EPC1: variants seen among roughly 807,000 people sequenced by gnomAD.
EPC1 encodes enhancer of polycomb homolog 1.
A neutral mutation model predicts 98.4 loss-of-function variants in EPC1; 12 were observed. The observed-to-expected ratio is 0.12, with a 90% confidence interval of 0.08 to 0.20. The LOEUF (loss-of-function observed/expected upper bound fraction) is 0.20, where lower values mean the gene tolerates loss of function less well. EPC1 is among the 10% of genes least tolerant of loss of function. The pLI, the probability that EPC1 is intolerant of heterozygous loss-of-function variation, is 1.00. For missense variants in EPC1, 729 were observed against 990.5 expected (o/e 0.74, Z 3.54); for synonymous variants, 357 against 363.9 (o/e 0.98, Z 0.21).
chr10:32,271,164 T>C (rs1835824119), intron 13 of EPC1, among the ~76,000 whole-genome samples: 1 of 152,146 alleles, frequency 6.6e-6, no homozygotes, highest in Non-Finnish European at 1.5e-5. Context: ...GGTGATTTTG[T>C]ATTTTTAGTA....
chr10:32,337,906 T>C (rs1043145609), intron 1 of EPC1, among the ~76,000 whole-genome samples: 1 of 152,216 alleles, frequency 6.6e-6, no homozygotes, highest in African/African-American at 2.4e-5. Context: ...TCAGTGGACA[T>C]AGTTAACCAA....
At chr10:32,286,074 CCTT>C (rs1836664976) in intron 9 of EPC1, 1 of 152,160 alleles carries the variant, frequency 6.6e-6, no homozygotes. Flanking sequence ...TGAAAAAGCA[CCTT>C]GATACTATTA....
chr10:32,272,240 T>C (rs1210052918), intron 11 of EPC1, 73 bp from the exon 12 acceptor site: 2 of 1,258,754 alleles, frequency 1.6e-6, no homozygotes, highest in Non-Finnish European at 2.2e-6. Context: ...TACACATGCA[T>C]ACCAAAATCA....
At chr10:32,335,076 T>A (rs1592610341) in intron 1 of EPC1, among the ~76,000 whole-genome samples, 1 of 152,224 alleles carries the variant, frequency 6.6e-6, no homozygotes, top group African/African-American at 2.4e-5. Context: ...CATCACTTTC[T>A]ACTTAGTGGA....
At chr10:32,295,285 T>C (rs1172970898) in intron 2 of EPC1, among the ~76,000 whole-genome samples, 1 of 152,166 alleles carries the variant, frequency 6.6e-6, no homozygotes, top group Non-Finnish European at 1.5e-5. Flanking sequence ...CAGTCAGACA[T>C]TAAAGTCTGT....
chr10:32,322,934 T>G (rs1837019465), intron 1 of EPC1, among the ~76,000 whole-genome samples: 1 of 151,644 alleles, frequency 6.6e-6, no homozygotes, highest in Admixed American at 6.6e-5. Flanking sequence ...AAGAGACCAT[T>G]TTTTTTAAAA....
intron 13 of EPC1, 131 bp downstream of exon 13, chr10:32,271,423 T>A (rs1835838078): frequency 3.8e-6 from 4 of 1,048,096 alleles, no homozygotes; most frequent in Non-Finnish European, 5.5e-6. Context: ...AAGTGATCAA[T>A]TCTCAACTAT....
At chr10:32,353,914 C>T (rs535990246) in intron 1 of EPC1, among the ~76,000 whole-genome samples, 1 of 152,262 alleles carries the variant, frequency 6.6e-6, no homozygotes, top group Admixed American at 6.5e-5. Context: ...TCCACCATAA[C>T]ATTTAGGTAA....
intron 1 of EPC1, among the ~76,000 whole-genome samples, chr10:32,341,403 T>C (rs1838344985): frequency 6.6e-6 from 1 of 152,104 alleles, no homozygotes; most frequent in Admixed American, 6.5e-5. Context: ...GAATGCAAAA[T>C]ATAAAACTAA....
chr10:32,322,109 T>A (rs1836962548), intron 1 of EPC1, among the ~76,000 whole-genome samples: 1 of 148,946 alleles, frequency 6.7e-6, no homozygotes, highest in Non-Finnish European at 1.5e-5. Context: ...GAAGATGAAG[T>A]CACAAGAAAG....
intron 1 of EPC1, among the ~76,000 whole-genome samples, chr10:32,376,903 G>A (rs560745261): frequency 6.6e-5 from 10 of 151,904 alleles, no homozygotes; most frequent in African/African-American, 1.4e-4. Flanking sequence ...TTACTGATTC[G>A]TCCCACTTTC....
intron 1 of EPC1, among the ~76,000 whole-genome samples, chr10:32,354,813 TTC>T (rs1839224067): frequency 6.6e-6 from 1 of 152,046 alleles, no homozygotes; most frequent in East Asian, 1.9e-4. Context: ...CGGCATTAGA[TTC>T]TCATAGGACC....
chr10:32,357,180 C>A (rs1051979253), intron 1 of EPC1, among the ~76,000 whole-genome samples: 1 of 152,118 alleles, frequency 6.6e-6, no homozygotes, highest in Admixed American at 6.5e-5. Context: ...GAGTACATGA[C>A]GTATCTTCCA....
At chr10:32,300,130 C>G (rs1835409617) in intron 2 of EPC1, among the ~76,000 whole-genome samples, 2 of 152,040 alleles carry the variant, frequency 1.3e-5, no homozygotes, top group African/African-American at 4.8e-5. Context: ...CTAGGATGGT[C>G]TCGAGCTCCT....
intron 1 of EPC1, among the ~76,000 whole-genome samples, chr10:32,342,392 T>A (rs1838419874): frequency 6.6e-6 from 1 of 152,202 alleles, no homozygotes. Flanking sequence ...GGTAACCATT[T>A]TTTTCTCATA....
chr10:32,302,180 G>A (rs1418181040), intron 2 of EPC1, among the ~76,000 whole-genome samples: 1 of 151,808 alleles, frequency 6.6e-6, no homozygotes, highest in East Asian at 1.9e-4. Context: ...GGCTGAGCTT[G>A]CAGTGAGCTG....
chr10:32,330,885 G>T (rs1592605625), intron 1 of EPC1, among the ~76,000 whole-genome samples: 1 of 151,980 alleles, frequency 6.6e-6, no homozygotes, highest in Admixed American at 6.6e-5. Context: ...CAAAAAAGCG[G>T]AACAAAATGT....
At chr10:32,319,410 T>C (rs1402123510) in intron 1 of EPC1, among the ~76,000 whole-genome samples, 1 of 152,178 alleles carries the variant, frequency 6.6e-6, no homozygotes, top group African/African-American at 2.4e-5. Flanking sequence ...GGAAATATAG[T>C]AACTATACTG....
chr10:32,338,399 T>C (rs978925817), intron 1 of EPC1, among the ~76,000 whole-genome samples: 1 of 152,142 alleles, frequency 6.6e-6, no homozygotes, highest in Non-Finnish European at 1.5e-5. Context: ...TATGACTCAT[T>C]CTCCACATGG....
Sources: allele counts gnomAD v4.1 joint callset (sites outside exome capture counted in the v4.1 genomes callset), GRCh38; gene constraint gnomAD v4.1.1; transcripts MANE v1.5; gene names NCBI Gene and HGNC (gene_info 2026-07-23, HGNC 2026-07-21).